The following CDH9 variants were observed in gnomAD, a reference collection of about 807,000 sequenced individuals.
CDH9 encodes cadherin-9.
A neutral mutation model predicts 70.9 loss-of-function variants in CDH9; 28 were observed. That is an observed-to-expected ratio of 0.40 (90% CI 0.29 to 0.54). The LOEUF is 0.54. Ranked by LOEUF, CDH9 falls within the 20% of genes least tolerant of loss-of-function variation. The pLI, the probability that CDH9 is intolerant of heterozygous loss-of-function variation, is 0.59. For synonymous variants in CDH9, 409 were observed against 343.1 expected (o/e 1.19, Z -2.12); for missense variants, 874 against 984.4 (o/e 0.89, Z 1.50).
intron 1 of CDH9, among the ~76,000 whole-genome samples, chr5:27,019,809 T>C (rs756752331): frequency 1.3e-5 from 2 of 151,938 alleles, no homozygotes; most frequent in African/African-American, 4.8e-5. Flanking sequence ...AAATAAGTTT[T>C]AAATATAACA....
intron 2 of CDH9, among the ~76,000 whole-genome samples, chr5:26,972,452 C>A (rs1461785951): frequency 6.6e-6 from 1 of 152,070 alleles, no homozygotes; most frequent in Non-Finnish European, 1.5e-5. Flanking sequence ...CCAGGAAACC[C>A]ATGTATATCA....
intron 1 of CDH9, among the ~76,000 whole-genome samples, chr5:27,022,519 G>T (rs151282472): frequency 6.6e-6 from 1 of 151,942 alleles, no homozygotes. Context: ...CAAATGAGTT[G>T]ATTACTAATT....
chr5:26,952,458 C>CAAAA lies in CDH9; in HGVS notation c.228+35644_228+35647dup, dbSNP rs766973787. 2.7e-3 allele frequency among the ~76,000 whole-genome samples: 27 copies of CAAAA among 9,966 alleles called. 1 individual carries two copies. The highest frequency in any genetic ancestry group is 6.1e-3 in the Non-Finnish European group (23 of 3,782). 6.5% of individuals were successfully genotyped at this position (9,966 alleles called of 152,430 possible). On this transcript the variant is annotated intron_variant, in intron 2 of 11. Transcript: ENST00000231021. ...TGAAACCCCGTCTCTACTAAAAATA[C>CAAAA]AAAAAAAAAAAAAAAAAAAAAAAAA...
intron 2 of CDH9, among the ~76,000 whole-genome samples, chr5:26,948,151 T>A (rs1741785786): frequency 6.6e-6 from 1 of 152,078 alleles, no homozygotes; most frequent in African/African-American, 2.4e-5. Flanking sequence ...GTCCAAACAG[T>A]CTACATGTAT....
At chr5:26,911,549 C>T (rs992068489) in intron 3 of CDH9, among the ~76,000 whole-genome samples, 1 of 151,818 alleles carries the variant, frequency 6.6e-6, no homozygotes, top group Non-Finnish European at 1.5e-5. Flanking sequence ...AATTTCCAGT[C>T]ACTGAGAAAG....
chr5:26,987,951 T>C (rs988846745), intron 2 of CDH9, among the ~76,000 whole-genome samples, 155 bp downstream of exon 2: 16 of 152,138 alleles, frequency 1.1e-4, no homozygotes, highest in African/African-American at 3.9e-4. Context: ...ATATGGTTCC[T>C]TGTTCTTCCC....
intron 2 of CDH9, among the ~76,000 whole-genome samples, chr5:26,916,307 AGATAT>A (rs1290360994): frequency 1.3e-5 from 2 of 151,964 alleles, no homozygotes; most frequent in African/African-American, 4.8e-5. Flanking sequence ...CTAAGCTCTA[AGATAT>A]GATTTGAGAG....
intron 2 of CDH9, among the ~76,000 whole-genome samples, chr5:26,947,882 G>C (rs1288636109): frequency 6.6e-6 from 1 of 152,118 alleles, no homozygotes; most frequent in Non-Finnish European, 1.5e-5. Flanking sequence ...CAGGCTGCCT[G>C]GTTCACTCAT....
chr5:26,915,057 C>G (rs1021658139), intron 3 of CDH9, among the ~76,000 whole-genome samples: 8 of 152,016 alleles, frequency 5.3e-5, no homozygotes, highest in African/African-American at 1.9e-4. Flanking sequence ...GTAGAATGTG[C>G]ACAAAAATAA....
Position 26,977,483 on chromosome 5 carries a change from G to GTGTATATATATATATATATATATATA in CDH9, c.228+10622_228+10623insTATATATATATATATATATATATACA, listed in dbSNP as rs1554001710. On this transcript the variant is annotated intron_variant, in intron 2 of 11. Transcript: ENST00000231021. ...GATATATATGTGTGCGTGTGTGTGT[G>GTGTATATATATATATATATATATATA]TGTATATATATATATATATATATAT... Among the ~76,000 whole-genome samples, 53 of 141,506 alleles carry GTGTATATATATATATATATATATATA rather than the reference G, an allele frequency of 3.7e-4. 1 individual carries two copies. Among genetic ancestry groups the GTGTATATATATATATATATATATATA allele is most frequent in the African/African-American group, 1.4e-3 (49 of 34,036 alleles). The allele number at this position is 141,506 out of a possible 152,430, so 92.8% of individuals were successfully genotyped here.
chr5:26,889,970 C>G lies in CDH9; in HGVS notation c.1391-13G>C, dbSNP rs1181933106. 1 of 1,608,728 alleles carries G rather than the reference C, an allele frequency of 6.2e-7. No individual in the cohort carries two copies. Among genetic ancestry groups the G allele is most frequent in the Non-Finnish European group, 8.5e-7 (1 of 1,177,604 alleles). ...TGTTTTGGGTTATCTGCAACGAGAA[C>G]ACGTGTAAGATTTCAGTCTCATTTA... On this transcript the variant is annotated splice_polypyrimidine_tract_variant and intron_variant, in intron 8 of 11. Coordinates refer to ENST00000231021, the MANE Select transcript of CDH9 (RefSeq NM_016279.4).
intron 3 of CDH9, 134 bp from the exon 4 acceptor site, chr5:26,906,972 C>T: frequency 7.9e-7 from 1 of 1,273,556 alleles, no homozygotes; most frequent in Non-Finnish European, 1.0e-6. Flanking sequence ...TATTTAAATA[C>T]TTCCTCAAAA....
intron 2 of CDH9, among the ~76,000 whole-genome samples, chr5:26,936,016 T>C (rs1741552505): frequency 1.3e-5 from 2 of 152,052 alleles, no homozygotes; most frequent in Non-Finnish European, 2.9e-5. Flanking sequence ...CCAAATATCA[T>C]ACATTTTCAT....
chr5:26,920,154 T>C (rs1054718983), intron 2 of CDH9, among the ~76,000 whole-genome samples: 10 of 151,910 alleles, frequency 6.6e-5, no homozygotes, highest in African/African-American at 9.7e-5. Context: ...CCCACTTCCC[T>C]GAAGGGAGAG....
chr5:27,026,855 CATT>C (rs1234190681), intron 1 of CDH9, among the ~76,000 whole-genome samples: 1 of 151,936 alleles, frequency 6.6e-6, no homozygotes, highest in Non-Finnish European at 1.5e-5. Flanking sequence ...AGTATGCAAT[CATT>C]ATTACCATTT....
At chr5:26,929,699 T>C (rs1741406858) in intron 2 of CDH9, among the ~76,000 whole-genome samples, 1 of 152,030 alleles carries the variant, frequency 6.6e-6, no homozygotes, top group Admixed American at 6.6e-5. Context: ...AAAACACAGA[T>C]GGAACTGGAG....
At chr5:26,983,017 T>C (rs1370995771) in intron 2 of CDH9, among the ~76,000 whole-genome samples, 1 of 152,060 alleles carries the variant, frequency 6.6e-6, no homozygotes, top group Non-Finnish European at 1.5e-5. Context: ...GATCTCATAG[T>C]TTTGAGGGAT....
intron 2 of CDH9, among the ~76,000 whole-genome samples, chr5:26,973,004 C>G (rs998469730): frequency 3.3e-5 from 5 of 152,058 alleles, no homozygotes; most frequent in African/African-American, 1.2e-4. Context: ...GCTGCGACTA[C>G]AAGCGTGTGC....
intron 2 of CDH9, among the ~76,000 whole-genome samples, chr5:26,932,747 T>C (rs1408711370): frequency 6.6e-6 from 1 of 151,984 alleles, no homozygotes; most frequent in Non-Finnish European, 1.5e-5. Flanking sequence ...CACATTTAAA[T>C]AAATTATTGT....
Sources: allele counts gnomAD v4.1 joint callset (sites outside exome capture counted in the v4.1 genomes callset), GRCh38; gene constraint gnomAD v4.1.1; transcripts MANE v1.5; gene names NCBI Gene and HGNC (gene_info 2026-07-23, HGNC 2026-07-21).